The following NUDT21 variants were observed in gnomAD, a reference collection of about 807,000 sequenced individuals.
NUDT21 encodes the protein nudix hydrolase 21.
Under a neutral mutation model 29.8 loss-of-function variants are expected in NUDT21, and 5 were observed. The ratio of observed to expected loss-of-function variants is 0.17; its 90% CI spans 0.09 to 0.35. The LOEUF is 0.35. Ranked by LOEUF, NUDT21 falls within the 10% of genes least tolerant of loss-of-function variation. NUDT21 has a pLI of 1.00. For synonymous variants in NUDT21, 113 were observed against 98.5 expected (o/e 1.15, Z -0.87); for missense variants, 76 against 276.0 (o/e 0.28, Z 5.13).
chr16:56,445,787 C>T (rs886474687), intron 3 of NUDT21, among the ~76,000 whole-genome samples: 15 of 152,204 alleles, frequency 9.9e-5, no homozygotes, highest in Non-Finnish European at 1.9e-4. Context: ...TCTCATTTTG[C>T]ACTCCCTCAA....
At chr16:56,435,502 G>A (rs1439920712) in intron 4 of NUDT21, among the ~76,000 whole-genome samples, 4 of 150,856 alleles carry the variant, frequency 2.7e-5, no homozygotes, top group African/African-American at 7.3e-5. Flanking sequence ...CAAGGCAGGC[G>A]GATCATGAGG....
intron 3 of NUDT21, among the ~76,000 whole-genome samples, chr16:56,440,227 T>C (rs1962144418): frequency 6.6e-6 from 1 of 152,206 alleles, no homozygotes; most frequent in Non-Finnish European, 1.5e-5. Context: ...AGGATAGTTT[T>C]AGATTTACAG....
In NUDT21 at chr16:56,432,030, T is replaced by C. The variant is rs939370327; in HGVS notation, c.*682A>G. The C allele has an allele frequency of 7.2e-5, 11 of 152,158 alleles. No individual in the cohort carries two copies. Among genetic ancestry groups the C allele is most frequent in the Admixed American group, 7.2e-4 (11 of 15,274 alleles). 9.4% of individuals were successfully genotyped at this position (152,158 alleles called of 1,614,324 possible). On this transcript the variant is annotated 3_prime_UTR_variant, in exon 7 of 7. Transcript: ENST00000300291. ...CAGCACAAATAATTAATACCCCCAT[T>C]ATGTGAAGAAAACTCTGAGCTCTAA...
intron 3 of NUDT21, among the ~76,000 whole-genome samples, chr16:56,443,172 A>AT (rs111235267): frequency 0.02 from 2,987 of 148,816 alleles, 95 homozygotes; most frequent in African/African-American, 0.068. Context: ...GGACTACAAT[A>AT]TTTTTTTTTC....
chr16:56,437,594 G>A (rs1962117173), intron 4 of NUDT21, among the ~76,000 whole-genome samples: 1 of 152,118 alleles, frequency 6.6e-6, no homozygotes, highest in Non-Finnish European at 1.5e-5. Flanking sequence ...GAAATGCAAG[G>A]GAGTTCATGC....
In NUDT21 at chr16:56,447,884, A is replaced by G; in HGVS notation, c.222T>C (p.Ile74=). 6.2e-7 allele frequency: 1 copy of G among 1,614,112 alleles called. No individual in the cohort carries two copies. ...CCCCTTCTACAGTCCTCCTCATTCC[A>G]ATTTTATCAAATTCTTCCCTCATGC... The part of the protein sequence containing the change: ...FQRMREEFDK[I]GMRRTVEGVL... Residue 74 remains isoleucine, a synonymous_variant, in exon 2 of 7, where the codon ATT becomes ATC. Transcript: ENST00000300291.
rs1177075037 is a variant in NUDT21 at position 56,434,500 on chromosome 16, T to C, written c.548-55A>G. The C allele has an allele frequency of 1.4e-5, 14 of 1,019,282 alleles. 1 individual carries two copies. Among genetic ancestry groups the C allele is most frequent in the Middle Eastern group, 2.2e-4 (1 of 4,522 alleles). 63.1% of individuals were successfully genotyped at this position (1,019,282 alleles called of 1,614,324 possible). A position where few individuals can be genotyped will look rare whatever the true frequency, so the allele number is the denominator to read the frequency against. ...GTTATTATATAATCACTGCTTCCAT[T>C]TCATTTTTAAATTACCAATTTTACA... On this transcript the variant is annotated intron_variant, in intron 5 of 6. Coordinates refer to ENST00000300291, the MANE Select transcript of NUDT21 (RefSeq NM_007006.3).
At chr16:56,435,562 T>A (rs1962087689) in intron 4 of NUDT21, among the ~76,000 whole-genome samples, 1 of 148,478 alleles carries the variant, frequency 6.7e-6, no homozygotes, top group African/African-American at 2.5e-5. Context: ...CCGTCTCTAC[T>A]AAAAATACAA....
chr16:56,441,882 C>T (rs1467181713), intron 3 of NUDT21, among the ~76,000 whole-genome samples: 3 of 152,184 alleles, frequency 2.0e-5, no homozygotes, highest in Non-Finnish European at 4.4e-5. Flanking sequence ...CTATTAATTT[C>T]ATCTTTTCTA....
At chr16:56,442,822 A>G (rs1362313610) in intron 3 of NUDT21, among the ~76,000 whole-genome samples, 1 of 152,058 alleles carries the variant, frequency 6.6e-6, no homozygotes, top group Non-Finnish European at 1.5e-5. Context: ...CTATCTTTTT[A>G]TCTTTTCATT....
intron 4 of NUDT21, chr16:56,435,136 T>C: frequency 5.4e-6 from 1 of 186,610 alleles, no homozygotes; most frequent in Non-Finnish European, 1.1e-5. Context: ...GTTTGTTTGT[T>C]TTTTAAGACA....
At chr16:56,435,745 A>ATATATATATATGTG (rs1448150112) in intron 4 of NUDT21, among the ~76,000 whole-genome samples, 2 of 47,362 alleles carry the variant, frequency 4.2e-5, no homozygotes, top group African/African-American at 1.9e-4. Flanking sequence ...AAAAAAAATT[A>ATATATATATATGTG]TATATATATA....
At position 56,430,724 on chromosome 16, in the gene NUDT21, A is replaced by G. The variant is rs1462384237; in HGVS notation, c.*1988T>C. The G allele has an allele frequency of 1.3e-5, 2 of 152,246 alleles. No homozygotes were observed. Among genetic ancestry groups the G allele is most frequent in the African/African-American group, 2.4e-5 (1 of 41,476 alleles). The allele number at this position is 152,246 out of a possible 1,614,324, so 9.4% of individuals were successfully genotyped here. A position where few individuals can be genotyped will look rare whatever the true frequency, so the allele number is the denominator to read the frequency against. On this transcript the variant is annotated 3_prime_UTR_variant, in exon 7 of 7. Coordinates refer to ENST00000300291, the MANE Select transcript of NUDT21 (RefSeq NM_007006.3). ...CCACCTGTAACTGACCAGAGCAAAAAGTTTTTAAGACTTCCGTTTGTGTGT... is the reference window on the plus strand; with the variant it reads ...CCACCTGTAACTGACCAGAGCAAAAGGTTTTTAAGACTTCCGTTTGTGTGT...
intron 4 of NUDT21, chr16:56,439,058 G>C (rs779497715): frequency 6.6e-6 from 1 of 152,512 alleles, no homozygotes; most frequent in Non-Finnish European, 1.5e-5. Context: ...CCAAGATGAG[G>C]GTAGGAGAAT....
intron 4 of NUDT21, among the ~76,000 whole-genome samples, chr16:56,435,807 G>C (rs1962098452): frequency 1.1e-5 from 1 of 91,252 alleles, no homozygotes; most frequent in Admixed American, 1.6e-4. Context: ...AAACAGTCTA[G>C]AATCCTGTTG....
chr16:56,450,499 A>T (rs760833264), intron 1 of NUDT21, among the ~76,000 whole-genome samples: 3 of 152,228 alleles, frequency 2.0e-5, no homozygotes, highest in Non-Finnish European at 4.4e-5. Flanking sequence ...GCCGGCATTG[A>T]GACATCAGAC....
intron 3 of NUDT21, among the ~76,000 whole-genome samples, chr16:56,441,513 G>A (rs976739936): frequency 3.3e-5 from 5 of 152,134 alleles, no homozygotes; most frequent in African/African-American, 7.2e-5. Context: ...GATTACTGGC[G>A]TGAGCCACTG....
At chr16:56,441,833 T>TAA (rs1477483834) in intron 3 of NUDT21, among the ~76,000 whole-genome samples, 3 of 152,270 alleles carry the variant, frequency 2.0e-5, no homozygotes, top group African/African-American at 7.2e-5. Flanking sequence ...CATGATAACT[T>TAA]AAATTTCTTC....
chr16:56,442,996 GT>G (rs544842851), intron 3 of NUDT21, among the ~76,000 whole-genome samples: 165 of 152,046 alleles, frequency 1.1e-3, no homozygotes, highest in Non-Finnish European at 1.9e-3. Flanking sequence ...ATTAATCATA[GT>G]TTTGTCAATG....
Sources: gnomAD v4.1 joint callset for allele counts (sites outside exome capture counted in the v4.1 genomes callset) on GRCh38, gnomAD v4.1.1 for gene constraint, MANE v1.5 for transcripts, NCBI Gene and HGNC (gene_info 2026-07-23, HGNC 2026-07-21) for gene names.